Variants in CXCL13 observed in about 807,000 individuals in gnomAD.
CXCL13 encodes C-X-C motif chemokine 13.
A neutral mutation model predicts 12.2 loss-of-function variants in CXCL13; 7 were observed. The observed-to-expected ratio is 0.57, with a 90% confidence interval of 0.33 to 1.07. CXCL13 has a LOEUF of 1.07. Ranked by LOEUF, CXCL13 falls within the 50% of genes least tolerant of loss-of-function variation. The pLI is 0.04. For missense variants in CXCL13, 113 were observed against 127.4 expected (o/e 0.89, Z 0.55); for synonymous variants, 47 against 42.4 (o/e 1.11, Z -0.42).
intron 1 of CXCL13, among the ~76,000 whole-genome samples, chr4:77,538,874 G>A (rs1725132552): frequency 6.6e-6 from 1 of 152,150 alleles, no homozygotes; most frequent in Non-Finnish European, 1.5e-5. Context: ...ATTTGGGTCT[G>A]TAGCAACCTC....
intron 1 of CXCL13, among the ~76,000 whole-genome samples, chr4:77,547,937 A>G (rs530577815): frequency 5.3e-5 from 8 of 152,266 alleles, no homozygotes; most frequent in African/African-American, 1.9e-4. Flanking sequence ...GGTGGTGACA[A>G]AATTTCTCAG....
intron 1 of CXCL13, among the ~76,000 whole-genome samples, chr4:77,573,375 T>G (rs1726136115): frequency 1.5e-5 from 2 of 133,632 alleles, no homozygotes; most frequent in South Asian, 2.2e-4. Flanking sequence ...TGTGTGTGTG[T>G]GTGTGTGTGT....
chr4:77,607,271 T>C (rs951868010), intron 1 of CXCL13, among the ~76,000 whole-genome samples: 1 of 152,226 alleles, frequency 6.6e-6, no homozygotes, highest in African/African-American at 2.4e-5. Context: ...GACTATCACC[T>C]GAGTACAAAT....
In CXCL13 at chr4:77,572,994, G is replaced by A. The variant is rs532571053; in HGVS notation, c.-42-32830G>A. 1.2e-3 allele frequency among the ~76,000 whole-genome samples: 176 copies of A among 151,864 alleles called. 1 individual carries two copies. Among genetic ancestry groups the A allele is most frequent in the Admixed American group, 4.3e-3 (66 of 15,286 alleles). On this transcript the variant is annotated intron_variant, in intron 1 of 4. Coordinates refer to the CXCL13 transcript ENST00000286758. ...CAAACTAACACAGGAAAAAAAAACT[G>A]AATACCACATGTTCTCACTTATAAG...
At chr4:77,559,442 A>T (rs1007171704) in intron 1 of CXCL13, among the ~76,000 whole-genome samples, 1 of 152,182 alleles carries the variant, frequency 6.6e-6, no homozygotes, top group East Asian at 1.9e-4. Context: ...TTGGATGTGG[A>T]CGACCTTGAG....
rs1385774060 is a variant in CXCL13 at position 77,570,135 on chromosome 4, TA to T, written c.-42-35686del. Among the ~76,000 whole-genome samples the T allele has an allele frequency of 4.6e-5, 7 of 152,308 alleles. No homozygotes were observed. The East Asian group carries it at 1.2e-3, about 25-fold the overall frequency. On this transcript the variant is annotated intron_variant, in intron 1 of 4. Coordinates refer to the CXCL13 transcript ENST00000286758. ...ATAAAAAAACTAATTCAACATGGAT[TA>T]AAGACTTCAATGTAAAACTCAAAGC...
At chr4:77,526,549 G>T (rs1471388177) in intron 1 of CXCL13, among the ~76,000 whole-genome samples, 3 of 151,956 alleles carry the variant, frequency 2.0e-5, no homozygotes, top group African/African-American at 4.8e-5. Context: ...TCTACATGAA[G>T]CAACCCTGAA....
chr4:77,571,956 C>T (rs4859860), intron 1 of CXCL13, among the ~76,000 whole-genome samples: 48,614 of 151,480 alleles, frequency 0.32, 8,543 homozygotes, highest in South Asian at 0.42. Context: ...ACACTCACTG[C>T]GAAGGTCTGC....
In CXCL13 at chr4:77,576,066, G is replaced by C. The variant is rs550829741; in HGVS notation, c.-42-29758G>C. ...ACTGTTTTGATCCTCTGCAAAAGAT[G>C]GTTTATAATCAGCTACAGAACTTTG... On this transcript the variant is annotated intron_variant, in intron 1 of 4. Transcript: ENST00000286758. Among the ~76,000 whole-genome samples, 16 of 151,756 alleles carry C rather than the reference G, an allele frequency of 1.1e-4. 1 individual carries two copies. In the East Asian group the frequency reaches 2.9e-3, roughly 27 times the overall value.
At chr4:77,543,602 T>C (rs1173370504) in intron 1 of CXCL13, among the ~76,000 whole-genome samples, 2 of 152,166 alleles carry the variant, frequency 1.3e-5, no homozygotes. Context: ...TGTCTTACTT[T>C]TGTTGTTTAC....
chr4:77,531,695 G>T (rs1724922831), intron 1 of CXCL13, among the ~76,000 whole-genome samples: 2 of 152,030 alleles, frequency 1.3e-5, no homozygotes, highest in Admixed American at 1.3e-4. Context: ...CTCTTTCTAG[G>T]TCTCTAAGGA....
chr4:77,579,134 C>T (rs1350433606), intron 1 of CXCL13, among the ~76,000 whole-genome samples: 1 of 152,224 alleles, frequency 6.6e-6, no homozygotes, highest in Non-Finnish European at 1.5e-5. Flanking sequence ...AGAAGAGCTG[C>T]CATCAGCTGT....
At chr4:77,549,929 T>C (rs548885600) in intron 1 of CXCL13, among the ~76,000 whole-genome samples, 2 of 152,234 alleles carry the variant, frequency 1.3e-5, no homozygotes, top group African/African-American at 2.4e-5. Flanking sequence ...TTTATTCAGC[T>C]ATGCCCTGCC....
intron 1 of CXCL13, among the ~76,000 whole-genome samples, chr4:77,534,710 A>G (rs766427082): frequency 3.3e-5 from 5 of 152,246 alleles, no homozygotes; most frequent in African/African-American, 1.2e-4. Context: ...GATACACAGC[A>G]GAAGTCCATT....
At chr4:77,580,516 G>C (rs548888786) in intron 1 of CXCL13, among the ~76,000 whole-genome samples, 2 of 150,554 alleles carry the variant, frequency 1.3e-5, no homozygotes, top group Non-Finnish European at 3.0e-5. Context: ...TAGTAGAGAC[G>C]GGGTTTCACC....
intron 1 of CXCL13, among the ~76,000 whole-genome samples, chr4:77,546,812 G>T (rs1025982173): frequency 2.0e-5 from 3 of 152,116 alleles, no homozygotes; most frequent in Admixed American, 2.0e-4. Context: ...TGCTTCTCTA[G>T]TTCTTTTAAT....
chr4:77,535,045 G>C (rs913997105), intron 1 of CXCL13, among the ~76,000 whole-genome samples: 1 of 152,184 alleles, frequency 6.6e-6, no homozygotes, highest in Admixed American at 6.5e-5. Context: ...ACCAAGCATG[G>C]CTTTTTCATG....
At chr4:77,545,335 G>C (rs1191271740) in intron 1 of CXCL13, among the ~76,000 whole-genome samples, 1 of 152,136 alleles carries the variant, frequency 6.6e-6, no homozygotes, top group Non-Finnish European at 1.5e-5. Context: ...AATTACCTTG[G>C]ACAGTATGGC....
At position 77,532,509 on chromosome 4, in the gene CXCL13, T is replaced by C. The variant is rs554169355; in HGVS notation, c.-43+20721T>C. Among the ~76,000 whole-genome samples, 21 of 152,346 alleles carry C rather than the reference T, an allele frequency of 1.4e-4. 1 individual carries two copies. The South Asian group carries it at 3.1e-3, about 23-fold the overall frequency. Reference sequence around the variant, plus strand: ...TCCTTCATTTCAACTTTGGTGAATCTGACAATTCTGTATCTTGGAGTTGCT... The same window carrying C: ...TCCTTCATTTCAACTTTGGTGAATCCGACAATTCTGTATCTTGGAGTTGCT... On this transcript the variant is annotated intron_variant, in intron 1 of 4. Transcript: ENST00000286758.
Sources: allele counts gnomAD v4.1 joint callset (sites outside exome capture counted in the v4.1 genomes callset), GRCh38; gene constraint gnomAD v4.1.1; transcripts MANE v1.5; gene names NCBI Gene and HGNC (gene_info 2026-07-23, HGNC 2026-07-21).